The following SLC10A7 variants were observed in gnomAD, a reference collection of about 807,000 sequenced individuals.
SLC10A7 encodes the protein solute carrier family 10 member 7, also known as sodium/bile acid cotransporter 7.
In SLC10A7, 29 loss-of-function variants were observed where a neutral mutation model predicts 43.2. The ratio of observed to expected loss-of-function variants is 0.67; its 90% CI spans 0.50 to 0.92. The LOEUF (loss-of-function observed/expected upper bound fraction) is 0.92, where lower values mean the gene tolerates loss of function less well. Among genes scored for constraint, SLC10A7 ranks in the 40% least tolerant of loss-of-function variants. The pLI, the probability that SLC10A7 is intolerant of heterozygous loss-of-function variation, is 0.00. For missense variants in SLC10A7, 295 were observed against 403.2 expected, an observed-to-expected ratio of 0.73 and a Z score of 2.30; for synonymous variants, 152 against 144.8, an observed-to-expected ratio of 1.05 and a Z score of -0.35.
intron 4 of SLC10A7, among the ~76,000 whole-genome samples, chr4:146,447,297 C>T (rs1731177783): frequency 6.6e-6 from 1 of 152,000 alleles, no homozygotes; most frequent in African/African-American, 2.4e-5. Flanking sequence ...TTTGTAGAGA[C>T]AGGGTTTCCC....
At chr4:146,457,055 T>G (rs753007766) in intron 4 of SLC10A7, among the ~76,000 whole-genome samples, 34 of 152,118 alleles carry the variant, frequency 2.2e-4, no homozygotes, top group Non-Finnish European at 4.6e-4. Flanking sequence ...AATTCTCAAC[T>G]CTGCTATTGT....
intron 9 of SLC10A7, among the ~76,000 whole-genome samples, chr4:146,292,423 A>G (rs2111182281): frequency 6.6e-6 from 1 of 151,174 alleles, no homozygotes; most frequent in East Asian, 1.9e-4. Context: ...CGGGAAATTG[A>G]AAAAAAAATG....
At chr4:146,490,610 T>C (rs1313403581) in intron 4 of SLC10A7, among the ~76,000 whole-genome samples, 2 of 152,182 alleles carry the variant, frequency 1.3e-5, no homozygotes, top group Non-Finnish European at 2.9e-5. Flanking sequence ...CATAATAACA[T>C]TGTCTCAGGG....
intron 6 of SLC10A7, among the ~76,000 whole-genome samples, chr4:146,313,655 T>C (rs1386669858): frequency 6.6e-6 from 1 of 152,190 alleles, no homozygotes; most frequent in Non-Finnish European, 1.5e-5. Context: ...GCTGTATACA[T>C]TGTTTCTGTT....
At chr4:146,389,906 T>G (rs1738294007) in intron 5 of SLC10A7, among the ~76,000 whole-genome samples, 1 of 152,234 alleles carries the variant, frequency 6.6e-6, no homozygotes, top group Non-Finnish European at 1.5e-5. Flanking sequence ...TGTGAAATAA[T>G]GGATGCCAAA....
chr4:146,258,591 C>A, intron 11 of SLC10A7, 101 bp downstream of exon 11: 1 of 1,146,870 alleles, frequency 8.7e-7, no homozygotes. Flanking sequence ...TACTTGAAAA[C>A]AAAGATATGC....
intron 5 of SLC10A7, among the ~76,000 whole-genome samples, chr4:146,370,733 C>T (rs1412814261): frequency 6.6e-6 from 1 of 152,110 alleles, no homozygotes; most frequent in Non-Finnish European, 1.5e-5. Context: ...TATTTTAAAC[C>T]ACTCTTCTTA....
At chr4:146,457,573 T>G (rs1732171448) in intron 4 of SLC10A7, among the ~76,000 whole-genome samples, 1 of 151,884 alleles carries the variant, frequency 6.6e-6, no homozygotes, top group African/African-American at 2.4e-5. Flanking sequence ...CAAGCCTGAT[T>G]TGCCCTGCAA....
chr4:146,388,711 A>ATGT (rs1252755606), intron 5 of SLC10A7, among the ~76,000 whole-genome samples: 1 of 151,662 alleles, frequency 6.6e-6, no homozygotes, highest in Non-Finnish European at 1.5e-5. Flanking sequence ...GTGAGCCGAG[A>ATGT]TGTTGCCACT....
Position 146,375,962 on chromosome 4 carries a change from C to T in SLC10A7, c.436-49966G>A, listed in dbSNP as rs549746076. Among the ~76,000 whole-genome samples the T allele has an allele frequency of 2.0e-5, 3 of 152,212 alleles. No individual in the cohort carries two copies. In the South Asian group the frequency reaches 6.2e-4, roughly 32 times the overall value. Reference sequence around the variant, plus strand: ...AGACCAGTGATAAGTTAAGGGTGCCCGTGACCCCCTTCTCAGGTTTGATTA... The same window carrying T: ...AGACCAGTGATAAGTTAAGGGTGCCTGTGACCCCCTTCTCAGGTTTGATTA... On this transcript the variant is annotated intron_variant, in intron 5 of 11. Coordinates refer to ENST00000335472, the MANE Select transcript of SLC10A7 (RefSeq NM_001029998.6).
At chr4:146,331,432 T>C (rs1733526779) in intron 5 of SLC10A7, among the ~76,000 whole-genome samples, 1 of 152,188 alleles carries the variant, frequency 6.6e-6, no homozygotes, top group Non-Finnish European at 1.5e-5. Context: ...GTAGAAAAAA[T>C]AACCACAATA....
intron 5 of SLC10A7, among the ~76,000 whole-genome samples, chr4:146,414,577 A>G (rs1728437877): frequency 6.6e-6 from 1 of 152,086 alleles, no homozygotes; most frequent in Non-Finnish European, 1.5e-5. Flanking sequence ...TACAAAAATT[A>G]GCCAGGTGTG....
chr4:146,433,761 G>A (rs1210207482), intron 5 of SLC10A7, among the ~76,000 whole-genome samples: 4 of 152,076 alleles, frequency 2.6e-5, no homozygotes, highest in African/African-American at 7.2e-5. Context: ...GTTGAGGTGG[G>A]AGGATCTCTT....
intron 8 of SLC10A7, 42 bp from the exon 9 acceptor site, chr4:146,293,022 C>T: frequency 7.5e-7 from 1 of 1,328,122 alleles, no homozygotes; most frequent in Non-Finnish European, 1.1e-6. Flanking sequence ...ACTCTAAAAG[C>T]AGTATTTGTA....
At chr4:146,392,856 A>T (rs1410003790) in intron 5 of SLC10A7, among the ~76,000 whole-genome samples, 1 of 152,088 alleles carries the variant, frequency 6.6e-6, no homozygotes, top group African/African-American at 2.4e-5. Flanking sequence ...ACACTGCATG[A>T]CCTTGCTACC....
At chr4:146,416,104 C>G (rs1448649498) in intron 5 of SLC10A7, among the ~76,000 whole-genome samples, 1 of 152,118 alleles carries the variant, frequency 6.6e-6, no homozygotes, top group African/African-American at 2.4e-5. Context: ...AGACACTTGG[C>G]TGAAAGACTG....
At position 146,428,090 on chromosome 4, in the gene SLC10A7, T is replaced by C. The variant is rs1415640706; in HGVS notation, c.435+14693A>G. 2.0e-5 allele frequency among the ~76,000 whole-genome samples: 3 copies of C among 152,090 alleles called. No individual in the cohort carries two copies. The East Asian group carries it at 5.8e-4, about 29-fold the overall frequency. ...TACTTGAGAGGCTGAGGTGAGAGGA[T>C]AGCTTGAGCCTGGGAGGTTGAGGCT... On this transcript the variant is annotated intron_variant, in intron 5 of 11. Coordinates refer to ENST00000335472, the MANE Select transcript of SLC10A7 (RefSeq NM_001029998.6).
intron 5 of SLC10A7, among the ~76,000 whole-genome samples, chr4:146,368,861 T>C (rs1246276008): frequency 6.6e-6 from 1 of 152,216 alleles, no homozygotes; most frequent in Non-Finnish European, 1.5e-5. Flanking sequence ...AAAGACACTA[T>C]AGTCTATGAA....
At chr4:146,371,379 AAGTC>A (rs1736767547) in intron 5 of SLC10A7, among the ~76,000 whole-genome samples, 1 of 113,896 alleles carries the variant, frequency 8.8e-6, no homozygotes, top group Non-Finnish European at 2.0e-5. Flanking sequence ...CTTGTATACA[AAGTC>A]AAGAACAATT....
Sources: allele counts gnomAD v4.1 joint callset (sites outside exome capture counted in the v4.1 genomes callset), GRCh38; gene constraint gnomAD v4.1.1; transcripts MANE v1.5; gene names NCBI Gene and HGNC (gene_info 2026-07-23, HGNC 2026-07-21).